Variants in TLE4 observed in about 807,000 individuals in gnomAD.
TLE4 encodes transducin-like enhancer protein 4.
In TLE4, 8 loss-of-function variants were observed where a neutral mutation model predicts 92.8. The observed-to-expected ratio is 0.09, with a 90% CI of 0.05 to 0.16. TLE4 has a LOEUF of 0.16. Among genes scored for constraint, TLE4 ranks in the 10% least tolerant of loss-of-function variants. The probability of loss-of-function intolerance (pLI) is 1.00; values close to 1 mark genes in which losing one functional copy is unlikely to be tolerated. For missense variants in TLE4, 675 were observed against 997.6 expected (o/e 0.68, Z 4.36); for synonymous variants, 371 against 374.1 (o/e 0.99, Z 0.10).
chr9:79,650,226 T>G (rs1235215985), intron 6 of TLE4, among the ~76,000 whole-genome samples: 3 of 152,146 alleles, frequency 2.0e-5, no homozygotes, highest in Non-Finnish European at 4.4e-5. Flanking sequence ...TGGGTTTTTT[T>G]TTGGTCTAAT....
intron 14 of TLE4, among the ~76,000 whole-genome samples, chr9:79,715,432 C>G (rs1689416531): frequency 6.6e-6 from 1 of 152,054 alleles, no homozygotes; most frequent in Non-Finnish European, 1.5e-5. Flanking sequence ...GAACTGAAAT[C>G]TGGCCGTCTC....
At chr9:79,630,949 C>G (rs1286778138) in intron 6 of TLE4, among the ~76,000 whole-genome samples, 1 of 152,032 alleles carries the variant, frequency 6.6e-6, no homozygotes, top group Non-Finnish European at 1.5e-5. Flanking sequence ...TGGAAACCCC[C>G]TAACCCACTT....
chr9:79,704,516 C>A, intron 8 of TLE4: 1 of 444,398 alleles, frequency 2.3e-6, no homozygotes, highest in Non-Finnish European at 4.0e-6. Flanking sequence ...TTTTTATTTC[C>A]TCTCCTCCCT....
Position 79,594,057 on chromosome 9 carries a change from C to T in TLE4, c.252+17880C>T, listed in dbSNP as rs1196295167. Among the ~76,000 whole-genome samples, 8 of 152,286 alleles carry T rather than the reference C, an allele frequency of 5.3e-5. No individual in the cohort carries two copies. In the East Asian group the frequency reaches 1.5e-3, roughly 29 times the overall value. On this transcript the variant is annotated intron_variant, in intron 4 of 19. Coordinates refer to ENST00000376552, the MANE Select transcript of TLE4 (RefSeq NM_007005.6). The stretch of plus-strand genomic sequence containing the variant: ...TTTACTTTTTATAACATGTTGGTTC[C>T]CAGGCCCCTGATCTGGGCCTTAGGC...
At chr9:79,641,687 T>C (rs940293801) in intron 6 of TLE4, among the ~76,000 whole-genome samples, 27 of 152,210 alleles carry the variant, frequency 1.8e-4, no homozygotes, top group African/African-American at 6.3e-4. Context: ...CCAGAGGAGC[T>C]GCCTCCATTT....
chr9:79,646,125 C>T (rs2058071116), intron 6 of TLE4, among the ~76,000 whole-genome samples: 1 of 151,884 alleles, frequency 6.6e-6, no homozygotes, highest in Non-Finnish European at 1.5e-5. Context: ...TCTTAAATTA[C>T]ATCCGTAACA....
intron 4 of TLE4, among the ~76,000 whole-genome samples, chr9:79,600,339 G>C (rs2045293529): frequency 6.6e-6 from 1 of 152,116 alleles, no homozygotes; most frequent in East Asian, 1.9e-4. Context: ...ATTATAGAGA[G>C]TTTTCAGTTT....
intron 8 of TLE4, among the ~76,000 whole-genome samples, chr9:79,699,492 C>G (rs1191258833): frequency 6.6e-6 from 1 of 152,142 alleles, no homozygotes; most frequent in Non-Finnish European, 1.5e-5. Context: ...AAAGGGCAAA[C>G]CAGGACTTGC....
chr9:79,636,228 CT>C lies in TLE4; in HGVS notation c.390+8781del, dbSNP rs1195988883. ...AGTAGCTGAGACGCTACTCGGGAGG[CT>C]ACTGGATCACTTGAGCGCAAGAGTT... On this transcript the variant is annotated intron_variant, in intron 6 of 19. Coordinates refer to ENST00000376552, the MANE Select transcript of TLE4 (RefSeq NM_007005.6). Among the ~76,000 whole-genome samples, 7 of 152,222 alleles carry C rather than the reference CT, an allele frequency of 4.6e-5. No homozygotes were observed. The East Asian group carries it at 1.4e-3, about 29-fold the overall frequency.
At chr9:79,647,719 C>G (rs2058307105) in intron 6 of TLE4, among the ~76,000 whole-genome samples, 1 of 151,812 alleles carries the variant, frequency 6.6e-6, no homozygotes. Context: ...TTAAATAGCT[C>G]TAATTAAGAG....
intron 19 of TLE4, among the ~76,000 whole-genome samples, chr9:79,724,593 G>A (rs1473279157): frequency 1.3e-5 from 2 of 151,874 alleles, no homozygotes; most frequent in African/African-American, 4.8e-5. Flanking sequence ...GTAATCTCAG[G>A]CATAATTTGG....
intron 1 of TLE4, chr9:79,573,441 T>TC: frequency 8.7e-7 from 1 of 1,152,186 alleles, no homozygotes; most frequent in South Asian, 2.9e-5. Context: ...GAGACGGGAC[T>TC]CGAACCCTCG....
chr9:79,652,390 T>C (rs7470165), intron 6 of TLE4, among the ~76,000 whole-genome samples: 30,576 of 152,038 alleles, frequency 0.2, 4,598 homozygotes, highest in African/African-American at 0.43. Flanking sequence ...GATTTCACCG[T>C]GTTAGCCAGG....
chr9:79,693,664 C>A (rs778164224), intron 8 of TLE4: 1 of 517,806 alleles, frequency 1.9e-6, no homozygotes, highest in South Asian at 1.4e-5. Context: ...AAAAGTTGTA[C>A]CTCTGCTTTG....
intron 8 of TLE4, among the ~76,000 whole-genome samples, chr9:79,692,800 C>G (rs137977185): frequency 6.6e-6 from 1 of 152,288 alleles, no homozygotes; most frequent in African/African-American, 2.4e-5. Flanking sequence ...GCTCTACCCT[C>G]CTGACCCAAT....
chr9:79,585,942 C>T (rs1217601094), intron 4 of TLE4, among the ~76,000 whole-genome samples: 2 of 151,950 alleles, frequency 1.3e-5, no homozygotes, highest in Non-Finnish European at 2.9e-5. Flanking sequence ...CTCTTATGGC[C>T]AGCGTTCAGG....
chr9:79,718,184 T>G (rs1444606388), intron 14 of TLE4: 1 of 409,250 alleles, frequency 2.4e-6, no homozygotes, highest in Non-Finnish European at 4.8e-6. Flanking sequence ...TTTATCTTTT[T>G]TTTTTTGGCA....
At chr9:79,693,304 A>G (rs1226380503) in intron 8 of TLE4, among the ~76,000 whole-genome samples, 2 of 151,278 alleles carry the variant, frequency 1.3e-5, no homozygotes, top group Non-Finnish European at 3.0e-5. Context: ...CCCCCACCCA[A>G]CCTCTGTGGT....
chr9:79,684,594 G>A (rs1395663852), intron 8 of TLE4, among the ~76,000 whole-genome samples: 3 of 152,066 alleles, frequency 2.0e-5, no homozygotes, highest in East Asian at 1.9e-4. Context: ...AACCACTACC[G>A]CCACCCCACC....
Sources: gnomAD v4.1 joint callset for allele counts (sites outside exome capture counted in the v4.1 genomes callset) on GRCh38, gnomAD v4.1.1 for gene constraint, MANE v1.5 for transcripts, NCBI Gene and HGNC (gene_info 2026-07-23, HGNC 2026-07-21) for gene names.